ATF6: variants seen among roughly 807,000 people sequenced by gnomAD.
ATF6 encodes cyclic AMP-dependent transcription factor ATF-6 alpha.
A neutral mutation model predicts 83.6 loss-of-function variants in ATF6; 53 were observed. The observed-to-expected ratio is 0.63, with a 90% CI of 0.51 to 0.80. The LOEUF (loss-of-function observed/expected upper bound fraction) is 0.80. ATF6 is among the 30% of genes least tolerant of loss of function. The pLI is 0.00. For synonymous variants in ATF6, 288 were observed against 285.8 expected, an observed-to-expected ratio of 1.01 and a Z score of -0.08; for missense variants, 744 against 797.9, an observed-to-expected ratio of 0.93 and a Z score of 0.81.
At chr1:161,807,950 G>T (rs1024976406) in intron 7 of ATF6, among the ~76,000 whole-genome samples, 1 of 127,440 alleles carries the variant, frequency 7.8e-6, no homozygotes, top group African/African-American at 3.0e-5. Flanking sequence ...CACGCTCTTG[G>T]CTCACTGCAA....
intron 14 of ATF6, among the ~76,000 whole-genome samples, chr1:161,876,492 C>G (rs148961526): frequency 1.6e-4 from 25 of 152,034 alleles, no homozygotes; most frequent in Admixed American, 1.6e-3. Context: ...CTTTTCATTT[C>G]CAGTATGATA....
chr1:161,951,027 T>G lies in ATF6; in HGVS notation c.1805-7419T>G, dbSNP rs564068620. Among the ~76,000 whole-genome samples the G allele has an allele frequency of 3.3e-5, 5 of 152,328 alleles. No individual in the cohort carries two copies. In the South Asian group the frequency reaches 6.2e-4, roughly 19 times the overall value. On this transcript the variant is annotated intron_variant, in intron 15 of 15. Coordinates refer to ENST00000367942, the MANE Select transcript of ATF6 (RefSeq NM_007348.4). ...TCTAATACCATTAGTCTTTGAACTT[T>G]AATGGAATTAGCCAGATTTCCTGAA...
At chr1:161,890,676 T>C (rs1312817796) in intron 14 of ATF6, among the ~76,000 whole-genome samples, 3 of 152,194 alleles carry the variant, frequency 2.0e-5, no homozygotes, top group Non-Finnish European at 2.9e-5. Flanking sequence ...TCTAGCGGAT[T>C]GGCCCCAAAC....
chr1:161,954,134 A>G (rs1359105055), intron 15 of ATF6, among the ~76,000 whole-genome samples: 2 of 151,924 alleles, frequency 1.3e-5, no homozygotes, highest in East Asian at 3.9e-4. Context: ...GGTCAAAACC[A>G]GGACTCAGAT....
chr1:161,779,175 T>C (rs538840750), intron 2 of ATF6, among the ~76,000 whole-genome samples: 1 of 152,348 alleles, frequency 6.6e-6, no homozygotes, highest in East Asian at 1.9e-4. Context: ...TGAGATACTT[T>C]AGAATGTGGC....
intron 15 of ATF6, among the ~76,000 whole-genome samples, chr1:161,933,606 T>C (rs746485722): frequency 3.3e-5 from 5 of 152,246 alleles, no homozygotes; most frequent in Admixed American, 2.6e-4. Context: ...AAGTCAACCC[T>C]AATTTAACAA....
chr1:161,912,397 A>C lies in ATF6; in HGVS notation c.1804+17A>C. ...ACATAAATGGTAAGTTGAAATTCTG[A>C]TGTATGAACAATATGAGATTTCTTT... On this transcript the variant is annotated intron_variant, in intron 15 of 15. Coordinates refer to ENST00000367942, the MANE Select transcript of ATF6 (RefSeq NM_007348.4). 6.5e-7 allele frequency: 1 copy of C among 1,538,170 alleles called. No homozygotes were observed. The highest frequency in any genetic ancestry group is 8.9e-7 in the Non-Finnish European group (1 of 1,118,958).
At chr1:161,774,337 G>C (rs1257156598) in intron 1 of ATF6, among the ~76,000 whole-genome samples, 2 of 151,840 alleles carry the variant, frequency 1.3e-5, no homozygotes, top group Non-Finnish European at 2.9e-5. Context: ...TTTGGAGGCT[G>C]TTATAGCAAT....
chr1:161,784,187 C>A, intron 4 of ATF6, 91 bp downstream of exon 4: 1 of 865,286 alleles, frequency 1.2e-6, no homozygotes, highest in Non-Finnish European at 1.9e-6. Flanking sequence ...TTATTGAATA[C>A]TACTATGAGT....
chr1:161,771,079 A>C (rs1247357796), intron 1 of ATF6, among the ~76,000 whole-genome samples: 2 of 152,034 alleles, frequency 1.3e-5, no homozygotes, highest in African/African-American at 4.8e-5. Flanking sequence ...ATGACATATG[A>C]TGTTGAGCAT....
Position 161,907,035 on chromosome 1 carries a change from G to C in ATF6, c.1720-5261G>C, listed in dbSNP as rs573625450. Among the ~76,000 whole-genome samples the C allele has an allele frequency of 2.1e-3, 327 of 152,178 alleles. 1 individual carries two copies. The highest frequency in any genetic ancestry group is 7.6e-3 in the African/African-American group (317 of 41,540). ...TCAGGATATGTCATGATGTATGTCT[G>C]TATATTTTTATGATTTCAAATTCCC... On this transcript the variant is annotated intron_variant, in intron 14 of 15. Coordinates refer to ENST00000367942, the MANE Select transcript of ATF6 (RefSeq NM_007348.4).
At chr1:161,942,907 G>T (rs907372341) in intron 15 of ATF6, among the ~76,000 whole-genome samples, 6 of 152,162 alleles carry the variant, frequency 3.9e-5, no homozygotes, top group Admixed American at 3.3e-4. Flanking sequence ...CCAGGCTGGA[G>T]TGCAGTGGCG....
At position 161,819,749 on chromosome 1, in the gene ATF6, C is replaced by G; in HGVS notation, c.1026C>G (p.Leu342=). The part of the protein sequence containing the change: ...LGLEARLKAA[L]SENEQLKKEN... ...TAGAGGCGAGATTAAAGGCTGCCCT[C>G]TCAGAAAACGAGCAACTGAAGAAAG... Residue 342 remains leucine (L), a synonymous_variant, in exon 8 of 16, where the codon CTC becomes CTG. Coordinates refer to ENST00000367942, the MANE Select transcript of ATF6 (RefSeq NM_007348.4). 6.2e-7 allele frequency: 1 copy of G among 1,612,580 alleles called. No individual in the cohort carries two copies. Among genetic ancestry groups the G allele is most frequent in the Non-Finnish European group, 8.5e-7 (1 of 1,179,416 alleles).
intron 15 of ATF6, among the ~76,000 whole-genome samples, chr1:161,945,773 A>G (rs1409013394): frequency 6.6e-6 from 1 of 152,204 alleles, no homozygotes; most frequent in Non-Finnish European, 1.5e-5. Flanking sequence ...CTGCTTAAAG[A>G]TAGAAGCTAT....
At chr1:161,849,882 T>G (rs950242518) in intron 10 of ATF6, among the ~76,000 whole-genome samples, 2 of 152,216 alleles carry the variant, frequency 1.3e-5, no homozygotes, top group African/African-American at 4.8e-5. Flanking sequence ...CTCCCTGTTT[T>G]ACTTCCAACC....
chr1:161,774,850 T>A (rs1439024266), intron 1 of ATF6, among the ~76,000 whole-genome samples: 4 of 152,244 alleles, frequency 2.6e-5, no homozygotes, highest in Admixed American at 2.0e-4. Flanking sequence ...TTATCATGTC[T>A]CATCAGTGTC....
intron 14 of ATF6, among the ~76,000 whole-genome samples, chr1:161,904,837 G>GC (rs2101882521): frequency 6.6e-6 from 1 of 152,286 alleles, no homozygotes; most frequent in African/African-American, 2.4e-5. Flanking sequence ...TCTAATGCGA[G>GC]CAAGTGTTGA....
chr1:161,898,413 A>G (rs375754343), intron 14 of ATF6, among the ~76,000 whole-genome samples: 4 of 152,276 alleles, frequency 2.6e-5, no homozygotes, highest in South Asian at 4.1e-4. Context: ...CCTCGAGAGT[A>G]CCTATAGGCA....
intron 14 of ATF6, among the ~76,000 whole-genome samples, chr1:161,898,030 G>A (rs141897119): frequency 2.0e-3 from 309 of 152,172 alleles, no homozygotes; most frequent in African/African-American, 6.9e-3. Flanking sequence ...TTGGAGATGT[G>A]GGTTTCCATT....
Sources: gnomAD v4.1 joint callset for allele counts (sites outside exome capture counted in the v4.1 genomes callset) on GRCh38, gnomAD v4.1.1 for gene constraint, MANE v1.5 for transcripts, NCBI Gene and HGNC (gene_info 2026-07-23, HGNC 2026-07-21) for gene names.